Variants in EYA4 observed in about 807,000 individuals in gnomAD.
The protein encoded by EYA4 is protein phosphatase EYA4.
In EYA4, 31 loss-of-function variants were observed where a neutral mutation model predicts 87.9. The ratio of observed to expected loss-of-function variants is 0.35; its 90% CI spans 0.27 to 0.48. EYA4 has a LOEUF of 0.48. Ranked by LOEUF, EYA4 falls within the 20% of genes least tolerant of loss-of-function variation. The pLI is 0.99. For missense variants in EYA4, 678 were observed against 761.4 expected (o/e 0.89, Z 1.29); for synonymous variants, 263 against 270.6 (o/e 0.97, Z 0.28).
At position 133,451,569 on chromosome 6, in the gene EYA4, C is replaced by T. The variant is rs1583315361; in HGVS notation, c.277+3390C>T. On this transcript the variant is annotated intron_variant, in intron 5 of 19. Coordinates refer to ENST00000355286, the MANE Select transcript of EYA4 (RefSeq NM_004100.5). ...ACTTTCTCACTTAATTGAAATGTAT[C>T]AAGTTCCTATTATATGCCAAGTTCT... is the stretch of plus-strand genomic sequence containing the variant. Among the ~76,000 whole-genome samples, 4 of 152,242 alleles carry T rather than the reference C, an allele frequency of 2.6e-5. No individual in the cohort carries two copies. In the Middle Eastern group the frequency reaches 0.01, roughly 388 times the overall value.
At position 133,530,442 on chromosome 6, in the gene EYA4, A is replaced by T. The variant is rs1583581938; in HGVS notation, c.*1637A>T. 2 of 985,490 alleles carry T rather than the reference A, an allele frequency of 2.0e-6. No homozygotes were observed. The highest frequency in any genetic ancestry group is 1.1e-4 in the East Asian group (1 of 8,818). 61.0% of individuals were successfully genotyped at this position (985,490 alleles called of 1,614,324 possible). Reference sequence around the variant, plus strand: ...GGAAATTTAAGACTTTAAGAACTAGAGTATTTTTATGGTGTCTGCACCTGC... The same window carrying T: ...GGAAATTTAAGACTTTAAGAACTAGTGTATTTTTATGGTGTCTGCACCTGC... On this transcript the variant is annotated 3_prime_UTR_variant, in exon 20 of 20. Coordinates refer to ENST00000355286, the MANE Select transcript of EYA4 (RefSeq NM_004100.5).
intron 3 of EYA4, among the ~76,000 whole-genome samples, chr6:133,429,687 A>T (rs1053505319): frequency 6.6e-6 from 1 of 152,274 alleles, no homozygotes; most frequent in South Asian, 2.1e-4. Context: ...TTTCAAAGTT[A>T]GTCAGTGATT....
At chr6:133,484,861 T>C (rs1796554521) in intron 13 of EYA4, among the ~76,000 whole-genome samples, 1 of 152,224 alleles carries the variant, frequency 6.6e-6, no homozygotes, top group Non-Finnish European at 1.5e-5. Context: ...GCCAAATCAG[T>C]GGTAGAACTC....
At chr6:133,520,716 C>T (rs1192846214) in intron 17 of EYA4, among the ~76,000 whole-genome samples, 1 of 151,518 alleles carries the variant, frequency 6.6e-6, no homozygotes, top group Non-Finnish European at 1.5e-5. Context: ...GGAGGCATCA[C>T]ACTACCTGAC....
chr6:133,491,951 C>CAAAAAAAAAAAAAAAAAAA (rs34316449), intron 13 of EYA4, among the ~76,000 whole-genome samples: 6 of 83,724 alleles, frequency 7.2e-5, no homozygotes, highest in African/African-American at 2.8e-4. Context: ...AACTCCGTCT[C>CAAAAAAAAAAAAAAAAAAA]AAAAAAAAAA....
intron 13 of EYA4, among the ~76,000 whole-genome samples, chr6:133,503,776 T>A (rs1472210416): frequency 2.6e-5 from 4 of 152,116 alleles, no homozygotes; most frequent in Non-Finnish European, 5.9e-5. Flanking sequence ...GTTTTTTTTT[T>A]AATTTACACA....
chr6:133,436,028 G>A (rs1791638100), intron 3 of EYA4, among the ~76,000 whole-genome samples: 1 of 152,062 alleles, frequency 6.6e-6, no homozygotes, highest in Non-Finnish European at 1.5e-5. Context: ...AGACCAGCCT[G>A]GCCAACATGG....
chr6:133,449,943 T>A (rs1156768351), intron 5 of EYA4, among the ~76,000 whole-genome samples: 1 of 152,146 alleles, frequency 6.6e-6, no homozygotes, highest in African/African-American at 2.4e-5. Flanking sequence ...TTATTAATAA[T>A]GTAGTCCTGG....
intron 13 of EYA4, among the ~76,000 whole-genome samples, chr6:133,490,250 GGAA>G (rs1797026343): frequency 1.3e-5 from 2 of 151,844 alleles, no homozygotes; most frequent in African/African-American, 4.8e-5. Flanking sequence ...ACAAGAAGAA[GGAA>G]GAGGAAACCA....
At chr6:133,454,573 G>A (rs1793746830) in intron 5 of EYA4, among the ~76,000 whole-genome samples, 1 of 152,076 alleles carries the variant, frequency 6.6e-6, no homozygotes, top group Admixed American at 6.6e-5. Context: ...TAAAGATGAT[G>A]ATATTATCTA....
chr6:133,462,254 A>T (rs1583345013), intron 7 of EYA4, 81 bp from the exon 8 acceptor site: 1 of 1,410,170 alleles, frequency 7.1e-7, no homozygotes, highest in African/African-American at 1.4e-5. Flanking sequence ...CCTGGATATT[A>T]TAGGGTTTCA....
chr6:133,421,092 G>GCTTCC (rs1459588771), intron 3 of EYA4, among the ~76,000 whole-genome samples: 1 of 152,156 alleles, frequency 6.6e-6, no homozygotes, highest in Non-Finnish European at 1.5e-5. Flanking sequence ...CTTCCTCTTA[G>GCTTCC]ACTGTGCCTC....
chr6:133,294,743 AT>A (rs1480283527), intron 2 of EYA4, among the ~76,000 whole-genome samples: 1 of 151,114 alleles, frequency 6.6e-6, no homozygotes, highest in Non-Finnish European at 1.5e-5. Context: ...AATTTTTGTT[AT>A]TTTATTTTAT....
intron 1 of EYA4, among the ~76,000 whole-genome samples, chr6:133,274,022 G>T (rs1776960313): frequency 6.6e-6 from 1 of 151,630 alleles, no homozygotes; most frequent in Admixed American, 6.6e-5. Flanking sequence ...CTCTATCTGG[G>T]GATTTAAAAA....
intron 3 of EYA4, among the ~76,000 whole-genome samples, chr6:133,394,296 T>A (rs991341589): frequency 0.033 from 1,086 of 33,392 alleles, 78 homozygotes; most frequent in East Asian, 0.18. Context: ...TTTTTTTTTT[T>A]TTTTTTTTTT....
At chr6:133,464,927 C>A in intron 10 of EYA4, 69 bp downstream of exon 10, 1 of 978,172 alleles carries the variant, frequency 1.0e-6, no homozygotes, top group Non-Finnish European at 1.6e-6. Context: ...TCTCAGGTTG[C>A]CATATATGTG....
chr6:133,341,404 T>A (rs1782766958), intron 2 of EYA4, among the ~76,000 whole-genome samples: 1 of 152,194 alleles, frequency 6.6e-6, no homozygotes, highest in Admixed American at 6.5e-5. Flanking sequence ...ACTTTGTAGG[T>A]ACGCAGGAAT....
At chr6:133,322,628 A>G (rs1040142050) in intron 2 of EYA4, among the ~76,000 whole-genome samples, 2 of 152,198 alleles carry the variant, frequency 1.3e-5, no homozygotes, top group African/African-American at 4.8e-5. Flanking sequence ...TTTCCAAAAA[A>G]CAGCCAGAGG....
At chr6:133,437,333 A>G (rs956126319) in intron 3 of EYA4, among the ~76,000 whole-genome samples, 2 of 152,180 alleles carry the variant, frequency 1.3e-5, no homozygotes, top group Admixed American at 1.3e-4. Context: ...GGTGTGAATA[A>G]AATAAAGTCA....
Sources: gnomAD v4.1 joint callset for allele counts (sites outside exome capture counted in the v4.1 genomes callset) on GRCh38, gnomAD v4.1.1 for gene constraint, MANE v1.5 for transcripts, NCBI Gene and HGNC (gene_info 2026-07-23, HGNC 2026-07-21) for gene names.